CCDC178: variants seen among roughly 807,000 people sequenced by gnomAD.
CCDC178 encodes the protein coiled-coil domain containing 178.
A neutral mutation model predicts 117.4 loss-of-function variants in CCDC178; 126 were observed. The ratio of observed to expected loss-of-function variants is 1.07; its 90% CI spans 0.93 to 1.24. CCDC178 has a LOEUF of 1.24. Ranked by LOEUF, CCDC178 falls within the 50% of genes most tolerant of loss-of-function variation. The pLI is 0.00. For missense variants in CCDC178, 1,030 were observed against 986.9 expected (o/e 1.04, Z -0.59); for synonymous variants, 283 against 313.4 (o/e 0.90, Z 1.02).
chr18:33,314,139 T>A (rs1384955808), intron 11 of CCDC178, among the ~76,000 whole-genome samples: 13 of 132,498 alleles, frequency 9.8e-5, no homozygotes, highest in Non-Finnish European at 1.9e-4. Context: ...AGGCGGAGCT[T>A]GCAGTGAGCC....
At chr18:33,198,343 G>A (rs564482343) in intron 20 of CCDC178, among the ~76,000 whole-genome samples, 2 of 152,100 alleles carry the variant, frequency 1.3e-5, no homozygotes, top group South Asian at 2.1e-4. Flanking sequence ...AACTAGAAAC[G>A]TATAGTAACT....
chr18:33,142,060 C>G (rs1054774994), intron 20 of CCDC178, among the ~76,000 whole-genome samples: 1 of 152,140 alleles, frequency 6.6e-6, no homozygotes, highest in Non-Finnish European at 1.5e-5. Context: ...ATTCTTTAAA[C>G]TATAGTTAAA....
chr18:32,956,231 G>A (rs1717728561), intron 22 of CCDC178, among the ~76,000 whole-genome samples: 2 of 152,060 alleles, frequency 1.3e-5, no homozygotes, highest in Non-Finnish European at 2.9e-5. Context: ...TTCATGTCTT[G>A]TATTTCTACA....
chr18:33,004,747 G>A (rs904162247), intron 21 of CCDC178, among the ~76,000 whole-genome samples: 7 of 151,928 alleles, frequency 4.6e-5, no homozygotes, highest in African/African-American at 1.7e-4. Flanking sequence ...GAATATATAA[G>A]GAACTCAAAC....
chr18:32,982,025 G>A (rs894623874), intron 21 of CCDC178, among the ~76,000 whole-genome samples: 2 of 151,956 alleles, frequency 1.3e-5, no homozygotes, highest in African/African-American at 4.8e-5. Flanking sequence ...GCTTATACAC[G>A]TGTCATATGC....
chr18:33,248,591 T>C lies in CCDC178; in HGVS notation c.1410-3163A>G, dbSNP rs1445088027. Among the ~76,000 whole-genome samples the C allele has an allele frequency of 2.6e-5, 4 of 152,074 alleles. No homozygotes were observed. The East Asian group carries it at 7.7e-4, about 29-fold the overall frequency. The stretch of plus-strand genomic sequence containing the variant: ...TTCATCCATGTCCCTACAAAGGACA[T>C]AAACTCATCCTTTTTTATGGCTGCA... On this transcript the variant is annotated intron_variant, in intron 14 of 22. Coordinates refer to ENST00000383096, the MANE Select transcript of CCDC178 (RefSeq NM_001105528.4).
At chr18:33,384,182 C>G (rs1291509813) in intron 5 of CCDC178, among the ~76,000 whole-genome samples, 1 of 151,902 alleles carries the variant, frequency 6.6e-6, no homozygotes, top group African/African-American at 2.4e-5. Context: ...TGAAATAAAA[C>G]AAACAAAACC....
chr18:33,179,274 T>C (rs1177302448), intron 20 of CCDC178, among the ~76,000 whole-genome samples: 2 of 150,246 alleles, frequency 1.3e-5, no homozygotes, highest in Non-Finnish European at 3.0e-5. Flanking sequence ...AAAATATAGA[T>C]GTAGAGAGAA....
At chr18:33,264,527 A>G (rs1465295085) in intron 14 of CCDC178, among the ~76,000 whole-genome samples, 2 of 152,082 alleles carry the variant, frequency 1.3e-5, no homozygotes. Flanking sequence ...CCTGGTAAAA[A>G]TTGGGGGAAA....
At chr18:33,391,457 T>C (rs2063564603) in intron 4 of CCDC178, among the ~76,000 whole-genome samples, 1 of 152,058 alleles carries the variant, frequency 6.6e-6, no homozygotes. Context: ...TAAGGTAATA[T>C]TGATATACAT....
At chr18:33,240,669 G>A (rs920697577) in intron 15 of CCDC178, among the ~76,000 whole-genome samples, 1 of 151,704 alleles carries the variant, frequency 6.6e-6, no homozygotes, top group African/African-American at 2.4e-5. Flanking sequence ...AAAGGAAAAC[G>A]TAAGCAGGCC....
intron 22 of CCDC178, among the ~76,000 whole-genome samples, chr18:32,947,213 T>C (rs2144610826): frequency 6.6e-6 from 1 of 152,258 alleles, no homozygotes; most frequent in Non-Finnish European, 1.5e-5. Context: ...AATTGCTAGG[T>C]TTGAGAAAAC....
intron 5 of CCDC178, among the ~76,000 whole-genome samples, chr18:33,379,641 A>T (rs1447424800): frequency 6.6e-6 from 1 of 152,114 alleles, no homozygotes; most frequent in African/African-American, 2.4e-5. Flanking sequence ...AAACATCCTC[A>T]TTCCTAAGTT....
At chr18:33,383,876 A>G (rs1599251113) in intron 5 of CCDC178, among the ~76,000 whole-genome samples, 1 of 152,176 alleles carries the variant, frequency 6.6e-6, no homozygotes, top group East Asian at 1.9e-4. Context: ...ATGAACTAAC[A>G]GAAGTAGGCT....
At chr18:33,238,850 A>G (rs1436763566) in intron 15 of CCDC178, among the ~76,000 whole-genome samples, 1 of 152,164 alleles carries the variant, frequency 6.6e-6, no homozygotes, top group African/African-American at 2.4e-5. Flanking sequence ...GTCCAAAGTC[A>G]AAGACAGAAC....
chr18:33,054,724 G>A (rs1263381721), intron 21 of CCDC178, among the ~76,000 whole-genome samples: 4 of 152,220 alleles, frequency 2.6e-5, no homozygotes, highest in Admixed American at 2.6e-4. Context: ...GAGTGCTGCA[G>A]TGAACATATG....
chr18:33,033,911 C>T (rs1440326537), intron 21 of CCDC178, among the ~76,000 whole-genome samples: 1 of 151,256 alleles, frequency 6.6e-6, no homozygotes, highest in Non-Finnish European at 1.5e-5. Context: ...TCGACAGAAC[C>T]CAAGACAATA....
intron 20 of CCDC178, among the ~76,000 whole-genome samples, chr18:33,206,054 C>A (rs1159593254): frequency 1.1e-4 from 16 of 152,152 alleles, no homozygotes; most frequent in Non-Finnish European, 1.5e-4. Flanking sequence ...TGACACCCTC[C>A]ACTTTCAACC....
intron 20 of CCDC178, among the ~76,000 whole-genome samples, chr18:33,146,965 G>T (rs1399199814): frequency 1.3e-5 from 2 of 151,974 alleles, no homozygotes; most frequent in African/African-American, 4.8e-5. Flanking sequence ...CTTTCCACTG[G>T]CAAGACCTTA....
Sources: gnomAD v4.1 joint callset for allele counts (sites outside exome capture counted in the v4.1 genomes callset) on GRCh38, gnomAD v4.1.1 for gene constraint, MANE v1.5 for transcripts, NCBI Gene and HGNC (gene_info 2026-07-23, HGNC 2026-07-21) for gene names.